The following DHDDS variants were observed in gnomAD, a reference collection of about 807,000 sequenced individuals.
DHDDS encodes dehydrodolichyl diphosphate synthase subunit.
A neutral mutation model predicts 46.2 loss-of-function variants in DHDDS; 16 were observed. The ratio of observed to expected loss-of-function variants is 0.35; its 90% CI spans 0.23 to 0.53. DHDDS has a LOEUF of 0.53. DHDDS is among the 20% of genes least tolerant of loss of function. The probability of loss-of-function intolerance (pLI) is 0.94; values close to 1 mark genes in which losing one functional copy is unlikely to be tolerated. For synonymous variants in DHDDS, 151 were observed against 163.1 expected, an observed-to-expected ratio of 0.93 and a Z score of 0.56; for missense variants, 340 against 423.7, an observed-to-expected ratio of 0.80 and a Z score of 1.73.
intron 5 of DHDDS, among the ~76,000 whole-genome samples, chr1:26,446,687 A>AGT (rs138481581): frequency 0.024 from 3,522 of 148,996 alleles, 74 homozygotes; most frequent in African/African-American, 0.054. Context: ...CCACCAAATA[A>AGT]GTGTGTGTGT....
Position 26,435,104 on chromosome 1 carries a change from G to A in DHDDS, c.63+2096G>A, listed in dbSNP as rs528279146. ...AGCTCACTGTACCCTCTGCCTCCCC[G>A]GTTCAAACAATTCTCCTGCCTCAGC... On this transcript the variant is annotated intron_variant, in intron 2 of 8. Transcript: ENST00000236342. Among the ~76,000 whole-genome samples, 35 of 151,518 alleles carry A rather than the reference G, an allele frequency of 2.3e-4. No homozygotes were observed. The South Asian group carries it at 3.3e-3, about 14-fold the overall frequency.
chr1:26,444,218 A>G (rs12753502), intron 4 of DHDDS, among the ~76,000 whole-genome samples: 11 of 152,224 alleles, frequency 7.2e-5, no homozygotes, highest in Non-Finnish European at 1.5e-4. Flanking sequence ...AAAAGCAAGA[A>G]GAAACTCAGA....
Position 26,446,411 on chromosome 1 carries a change from A to G in DHDDS, c.419A>G (p.Gln140Arg), listed in dbSNP as rs2075269440. The change falls in exon 5 of 9, where the codon CAG becomes CGG. Residue 140 changes from glutamine to arginine, a missense_variant. Transcript: ENST00000236342. ...DLQELIAQAV[Q>R]ATKNYNKCFL... ...CAGGAGCTGATTGCACAAGCTGTAC[A>G]GGCCACGAAGAACTACAACAAGTAA... The G allele has an allele frequency of 1.2e-6, 2 of 1,613,856 alleles. No homozygotes were observed. The highest frequency in any genetic ancestry group is 1.7e-6 in the Non-Finnish European group (2 of 1,179,840).
intron 7 of DHDDS, among the ~76,000 whole-genome samples, chr1:26,458,149 A>G (rs1038834573): frequency 7.9e-5 from 12 of 152,222 alleles, no homozygotes; most frequent in Non-Finnish European, 1.6e-4. Context: ...TTTTCAAGGA[A>G]TGGGACTTCT....
chr1:26,436,890 G>C lies in DHDDS; in HGVS notation c.64-1278G>C, dbSNP rs533068295. 8.5e-5 allele frequency among the ~76,000 whole-genome samples: 13 copies of C among 152,190 alleles called. 1 individual carries two copies. In the South Asian group the frequency reaches 2.7e-3, roughly 32 times the overall value. On this transcript the variant is annotated intron_variant, in intron 2 of 8. Transcript: ENST00000236342. ...TGCCTCTTCTTAACCGCGTGACTGGGCCGGGCGTGCTGGCTCACGCCTGTA... is the reference window on the plus strand; with the variant it reads ...TGCCTCTTCTTAACCGCGTGACTGGCCCGGGCGTGCTGGCTCACGCCTGTA...
At chr1:26,467,036 C>G (rs1158258782) in intron 8 of DHDDS, 3 of 212,034 alleles carry the variant, frequency 1.4e-5, no homozygotes, top group Non-Finnish European at 3.1e-5. Context: ...CCCTGCCCCC[C>G]ACACACCTCA....
chr1:26,462,221 ATG>A (rs2075430964), intron 8 of DHDDS, among the ~76,000 whole-genome samples: 1 of 151,352 alleles, frequency 6.6e-6, no homozygotes, highest in South Asian at 2.1e-4. Context: ...AGTCCTCACT[ATG>A]TTGCCCAGGC....
rs114541816 is a variant in DHDDS, at chr1:26,467,358, C to T, written c.766-1537C>T. 361 of 471,504 alleles carry T rather than the reference C, an allele frequency of 7.7e-4. 1 individual carries two copies. The highest frequency in any genetic ancestry group is 6.2e-3 in the African/African-American group (313 of 50,190). The allele number at this position is 471,504 out of a possible 1,614,324, so 29.2% of individuals were successfully genotyped here. On this transcript the variant is annotated intron_variant, in intron 8 of 8. Transcript: ENST00000236342. ...TCCAGCAAGACGGAGAGCTCTACGG[C>T]AACTGTTCAAGCCCGAAGTCCTCAT... is the stretch of plus-strand genomic sequence containing the variant.
chr1:26,435,464 G>T, intron 2 of DHDDS, among the ~76,000 whole-genome samples: 1 of 110,718 alleles, frequency 9.0e-6, no homozygotes, highest in East Asian at 2.8e-4. Flanking sequence ...TTGAGACAGA[G>T]TCTTACTCTG....
At position 26,456,423 on chromosome 1, in the gene DHDDS, C is replaced by T. The variant is rs1171887611; in HGVS notation, c.543-1368C>T. Among the ~76,000 whole-genome samples the T allele has an allele frequency of 5.9e-5, 9 of 152,102 alleles. No homozygotes were observed. In the South Asian group the frequency reaches 6.2e-4, roughly 11 times the overall value. On this transcript the variant is annotated intron_variant, in intron 6 of 8. Coordinates refer to ENST00000236342, the MANE Select transcript of DHDDS (RefSeq NM_205861.3). The stretch of plus-strand genomic sequence containing the variant: ...TTTTTTTTGTTTTGAGACAGAGCCT[C>T]GCTCTGTCACTCAGGCTGGAGTTCA...
rs1202492914 is a variant in DHDDS at position 26,469,461 on chromosome 1, C to T, written c.*330C>T. ...TTTTCCACCAGCACATCCTTCAACA[C>T]ACAGAATTTCAGGGAAGAGTTCTCC... On this transcript the variant is annotated 3_prime_UTR_variant, in exon 9 of 9. Coordinates refer to ENST00000236342, the MANE Select transcript of DHDDS (RefSeq NM_205861.3). The T allele has an allele frequency of 4.6e-6, 2 of 433,406 alleles. No homozygotes were observed. Among genetic ancestry groups the T allele is most frequent in the African/African-American group, 2.0e-5 (1 of 50,086 alleles). The allele number at this position is 433,406 out of a possible 1,614,324, so 26.8% of individuals were successfully genotyped here. A position where few individuals can be genotyped will look rare whatever the true frequency, so the allele number is the denominator to read the frequency against.
At chr1:26,466,844 AAAC>A (rs2075494462) in intron 8 of DHDDS, among the ~76,000 whole-genome samples, 1 of 152,314 alleles carries the variant, frequency 6.6e-6, no homozygotes, top group South Asian at 2.1e-4. Context: ...ATTTTTCCTC[AAAC>A]AACCCAGTGA....
intron 8 of DHDDS, among the ~76,000 whole-genome samples, chr1:26,467,956 T>C (rs1056121741): frequency 1.3e-5 from 2 of 152,176 alleles, no homozygotes; most frequent in African/African-American, 4.8e-5. Flanking sequence ...ACGTGGTCAG[T>C]CAGTTGAGTG....
intron 4 of DHDDS, among the ~76,000 whole-genome samples, chr1:26,443,763 C>T (rs1015799796): frequency 6.6e-6 from 1 of 152,138 alleles, no homozygotes; most frequent in Non-Finnish European, 1.5e-5. Flanking sequence ...TCCCCGGTCC[C>T]CAGCAGAGCC....
At chr1:26,446,236 G>A in intron 4 of DHDDS, 80 bp from the exon 5 acceptor site, 3 of 1,255,330 alleles carry the variant, frequency 2.4e-6, no homozygotes, top group Non-Finnish European at 2.3e-6. Flanking sequence ...AAAAACTGGT[G>A]GTCAGTTATT....
chr1:26,438,450 C>T (rs186750126), intron 3 of DHDDS, 166 bp downstream of exon 3: 85 of 684,112 alleles, frequency 1.2e-4, no homozygotes, highest in Non-Finnish European at 1.7e-4. Context: ...ATTGGCCAGA[C>T]GTGGTTGCTT....
At chr1:26,447,360 A>G (rs941139980) in intron 5 of DHDDS, among the ~76,000 whole-genome samples, 199 bp from the exon 6 acceptor site, 2 of 152,180 alleles carry the variant, frequency 1.3e-5, no homozygotes, top group Non-Finnish European at 2.9e-5. Flanking sequence ...CTTATTATAA[A>G]ACTAGTTACA....
intron 2 of DHDDS, 38 bp downstream of exon 2, chr1:26,433,046 C>A: frequency 1.2e-6 from 2 of 1,607,594 alleles, no homozygotes; most frequent in South Asian, 1.1e-5. Context: ...GCCTTCTGGT[C>A]AGTTGGATAA....
At chr1:26,454,949 T>C in intron 6 of DHDDS, 1 of 1,602,496 alleles carries the variant, frequency 6.2e-7, no homozygotes, top group Non-Finnish European at 8.5e-7. Flanking sequence ...CCACTGACCT[T>C]GTGTCCAGCC....
Sources: gnomAD v4.1 joint callset for allele counts (sites outside exome capture counted in the v4.1 genomes callset) on GRCh38, gnomAD v4.1.1 for gene constraint, MANE v1.5 for transcripts, NCBI Gene and HGNC (gene_info 2026-07-23, HGNC 2026-07-21) for gene names.